Variants in CACNA1A observed in about 807,000 individuals in gnomAD.
The protein encoded by CACNA1A is voltage-dependent P/Q-type calcium channel subunit alpha-1A.
CACNA1A carries 57 observed loss-of-function variants against 262.4 expected under a neutral mutation model. The observed-to-expected ratio is 0.22, with a 90% CI of 0.18 to 0.27. CACNA1A has a LOEUF of 0.27. Ranked by LOEUF, CACNA1A falls within the 10% of genes least tolerant of loss-of-function variation. The pLI is 1.00. For synonymous variants in CACNA1A, 1,431 were observed against 1,419.3 expected, an observed-to-expected ratio of 1.01 and a Z score of -0.18; for missense variants, 2,526 against 3,562.8, an observed-to-expected ratio of 0.71 and a Z score of 7.41.
chr19:13,505,890 G>A, intron 1 of CACNA1A, 42 bp downstream of exon 1: 9 of 1,587,052 alleles, frequency 5.7e-6, no homozygotes, highest in Non-Finnish European at 7.7e-6. Flanking sequence ...GGAGGGAGGA[G>A]GGGGAGGCGC....
At position 13,209,016 on chromosome 19, in the gene CACNA1A, C is replaced by T. The variant is rs1555730686; in HGVS notation, c.6527-7G>A. 6.5e-7 allele frequency: 1 copy of T among 1,536,924 alleles called. No individual in the cohort carries two copies. The highest frequency in any genetic ancestry group is 8.7e-7 in the Non-Finnish European group (1 of 1,146,870). Reference sequence around the variant, plus strand: ...CTCAGGTCTGTCCCCAAGCCTGGGCCGGGTGAGGGTCAGACAGACACACAG... The same window carrying T: ...CTCAGGTCTGTCCCCAAGCCTGGGCTGGGTGAGGGTCAGACAGACACACAG... On this transcript the variant is annotated splice_polypyrimidine_tract_variant and splice_region_variant and intron_variant, in intron 45 of 46. Transcript: ENST00000360228.
At chr19:13,459,911 T>C (rs1029731556) in intron 1 of CACNA1A, among the ~76,000 whole-genome samples, 8 of 152,122 alleles carry the variant, frequency 5.3e-5, no homozygotes, top group African/African-American at 1.9e-4. Flanking sequence ...GTTGCCTGGA[T>C]TTCAGACCCA....
chr19:13,214,892 C>T lies in CACNA1A; in HGVS notation c.5732-284G>A, dbSNP rs1600094874. Reference sequence around the variant, plus strand: ...CGACCTGGGTCCCAATCTTGTCTCCCAGTTATCGGCTGCATGACTTAGGTT... The same window carrying T: ...CGACCTGGGTCCCAATCTTGTCTCCTAGTTATCGGCTGCATGACTTAGGTT... On this transcript the variant is annotated intron_variant, in intron 38 of 46. Coordinates refer to ENST00000360228, the MANE Select transcript of CACNA1A (RefSeq NM_001127222.2). This position sits in a 1 kb window ranked among gnomAD's most constrained non-coding sequence, Gnocchi z 4.1. 1 of 458,038 alleles carries T rather than the reference C, an allele frequency of 2.2e-6. No individual in the cohort carries two copies. Among genetic ancestry groups the T allele is most frequent in the Non-Finnish European group, 3.9e-6 (1 of 254,458 alleles). The allele number at this position is 458,038 out of a possible 1,614,324, so 28.4% of individuals were successfully genotyped here. A position where few individuals can be genotyped will look rare whatever the true frequency, so the allele number is the denominator to read the frequency against.
intron 3 of CACNA1A, among the ~76,000 whole-genome samples, chr19:13,407,864 G>T (rs2060039570): frequency 6.6e-6 from 1 of 152,096 alleles, no homozygotes; most frequent in East Asian, 1.9e-4. Context: ...CCCCAATGTT[G>T]GGGGAGGGAC....
At chr19:13,393,814 C>CCCACCT in intron 3 of CACNA1A, among the ~76,000 whole-genome samples, 1 of 100,636 alleles carries the variant, frequency 9.9e-6, no homozygotes, top group East Asian at 4.4e-4. Context: ...TCCTTCCTCT[C>CCCACCT]TCTCTCTCTC....
chr19:13,331,970 A>C (rs1214865651), intron 9 of CACNA1A, among the ~76,000 whole-genome samples: 2 of 152,168 alleles, frequency 1.3e-5, no homozygotes, highest in East Asian at 3.8e-4. Flanking sequence ...ATCCAACCCT[A>C]TCTCTAAATT....
At chr19:13,461,940 T>C (rs797017694) in intron 1 of CACNA1A, among the ~76,000 whole-genome samples, 4 of 152,202 alleles carry the variant, frequency 2.6e-5, no homozygotes, top group South Asian at 2.1e-4. Flanking sequence ...CAGAGCTCTA[T>C]ACACAATGAA....
At chr19:13,389,095 G>T (rs972465053) in intron 3 of CACNA1A, among the ~76,000 whole-genome samples, 2 of 152,048 alleles carry the variant, frequency 1.3e-5, no homozygotes, top group African/African-American at 4.8e-5. Context: ...TAGAGACAGG[G>T]TTTCACCATG....
chr19:13,361,637 T>C (rs1358286261), intron 5 of CACNA1A, among the ~76,000 whole-genome samples: 4 of 152,194 alleles, frequency 2.6e-5, no homozygotes, highest in Non-Finnish European at 2.9e-5. Context: ...AAACCAATGC[T>C]GAATGAATGA....
In CACNA1A at chr19:13,286,644, T is replaced by TG. The variant is rs746790849; in HGVS notation, c.3411dup (p.Lys1138GlnfsTer6). 6 of 1,356,132 alleles carry TG rather than the reference T, an allele frequency of 4.4e-6. No homozygotes were observed. Among genetic ancestry groups the TG allele is most frequent in the Non-Finnish European group, 2.9e-6 (3 of 1,034,526 alleles). 84.0% of individuals were successfully genotyped at this position (1,356,132 alleles called of 1,614,324 possible). ...ACGATAAGGCTATTCTCGGGGGTCT[T>TG]GGGGGGGCCGGGATTGGATGGGTTC... On this transcript the variant is annotated frameshift_variant, in exon 20 of 47. Coordinates refer to ENST00000360228, the MANE Select transcript of CACNA1A (RefSeq NM_001127222.2). LOFTEE classifies it high-confidence loss of function.
chr19:13,319,444 C>T (rs1407160171), intron 10 of CACNA1A, among the ~76,000 whole-genome samples: 1 of 152,144 alleles, frequency 6.6e-6, no homozygotes, highest in Admixed American at 6.5e-5. Flanking sequence ...ATTCATTATT[C>T]ATTTGCTCAT....
At chr19:13,347,941 G>C (rs1031626377) in intron 6 of CACNA1A, among the ~76,000 whole-genome samples, 14 of 151,686 alleles carry the variant, frequency 9.2e-5, no homozygotes, top group Admixed American at 2.0e-4. Flanking sequence ...TTTTTTTTGA[G>C]ACAGGGTCTG....
chr19:13,290,095 A>AT (rs34860973), intron 19 of CACNA1A, among the ~76,000 whole-genome samples: 5,544 of 140,180 alleles, frequency 0.04, 210 homozygotes, highest in African/African-American at 0.1. Context: ...CACCCGGCTA[A>AT]TTTTTTTTTT....
rs768891626 is a variant in CACNA1A, at chr19:13,506,135, C to T, written c.90G>A (p.Gly30=). Reference sequence around the variant, plus strand: ...CCTGCCGGCTGCCCCCGGCTCCTCGCCCGCCTCCGCTGCCCACGACCACCC... The same window carrying T: ...CCTGCCGGCTGCCCCCGGCTCCTCGTCCGCCTCCGCTGCCCACGACCACCC... ...AAGVVVGSGG[G]RGAGGSRQGG... is the part of the protein sequence containing the mutation. The change falls in exon 1 of 47, where the codon GGG becomes GGA. Residue 30 remains glycine, a synonymous_variant. Coordinates refer to ENST00000360228, the MANE Select transcript of CACNA1A (RefSeq NM_001127222.2). 10 of 1,594,434 alleles carry T rather than the reference C, an allele frequency of 6.3e-6. No homozygotes were observed. In the East Asian group the frequency reaches 2.0e-4, roughly 33 times the overall value.
chr19:13,326,250 G>A (rs2058360068), intron 10 of CACNA1A, among the ~76,000 whole-genome samples: 1 of 151,912 alleles, frequency 6.6e-6, no homozygotes. Flanking sequence ...GGAAGGTGGA[G>A]GTTGCAGTGA....
intron 9 of CACNA1A, among the ~76,000 whole-genome samples, chr19:13,330,709 G>A (rs1053050427): frequency 3.3e-5 from 5 of 152,130 alleles, no homozygotes; most frequent in African/African-American, 1.2e-4. Flanking sequence ...TCCTCCCTCA[G>A]CCTCCTGAGT....
At chr19:13,293,437 A>ATTTTT (rs2057588183) in intron 19 of CACNA1A, among the ~76,000 whole-genome samples, 30 of 124,978 alleles carry the variant, frequency 2.4e-4, no homozygotes, top group Admixed American at 4.7e-4. Context: ...ACTCAGTTAA[A>ATTTTT]TCTTTTTTTT....
intron 3 of CACNA1A, among the ~76,000 whole-genome samples, chr19:13,398,665 T>G (rs540045456): frequency 3.8e-4 from 58 of 152,364 alleles, no homozygotes; most frequent in Non-Finnish European, 5.6e-4. Context: ...TTACTAATTG[T>G]CTACATTGGG....
intron 3 of CACNA1A, among the ~76,000 whole-genome samples, chr19:13,445,364 C>T (rs1262653728): frequency 6.6e-6 from 1 of 152,200 alleles, no homozygotes; most frequent in African/African-American, 2.4e-5. Flanking sequence ...TATATCTCAT[C>T]TGATGTTCAG....
Sources: gnomAD v4.1 joint callset for allele counts (sites outside exome capture counted in the v4.1 genomes callset) on GRCh38, gnomAD v4.1.1 for gene constraint, Gnocchi (gnomAD v3.1) non-coding constraint, MANE v1.5 for transcripts, NCBI Gene and HGNC (gene_info 2026-07-23, HGNC 2026-07-21) for gene names.